BCAR3: variants seen among roughly 807,000 people sequenced by gnomAD.
The protein encoded by BCAR3 is breast cancer anti-estrogen resistance protein 3.
A neutral mutation model predicts 80.1 loss-of-function variants in BCAR3; 37 were observed. The ratio of observed to expected loss-of-function variants is 0.46; its 90% CI spans 0.36 to 0.61. The LOEUF is 0.61. BCAR3 is among the 20% of genes least tolerant of loss of function. The probability of loss-of-function intolerance (pLI) is 0.00; values close to 1 mark genes in which losing one functional copy is unlikely to be tolerated. For missense variants in BCAR3, 978 were observed against 1,068.2 expected, an observed-to-expected ratio of 0.92 and a Z score of 1.18; for synonymous variants, 389 against 418.9, an observed-to-expected ratio of 0.93 and a Z score of 0.87.
intron 2 of BCAR3, among the ~76,000 whole-genome samples, chr1:93,740,163 C>T (rs558485186): frequency 3.9e-4 from 60 of 152,342 alleles, no homozygotes; most frequent in African/African-American, 1.2e-3. Context: ...AAGTCAACTC[C>T]GGCAGGTATC....
chr1:93,572,186 T>A (rs1673245986), intron 8 of BCAR3, among the ~76,000 whole-genome samples: 7 of 151,942 alleles, frequency 4.6e-5, no homozygotes, highest in Admixed American at 4.6e-4. Flanking sequence ...CCATGAGAGG[T>A]CCATGGAGAC....
chr1:93,656,242 T>C (rs1647371277), intron 2 of BCAR3, among the ~76,000 whole-genome samples: 1 of 152,180 alleles, frequency 6.6e-6, no homozygotes. Flanking sequence ...AATTTGACCA[T>C]TGCTTTTTCC....
rs182923047 is a variant in BCAR3 at position 93,820,676 on chromosome 1, C to T, written c.-63+24891G>A. Among the ~76,000 whole-genome samples the T allele has an allele frequency of 1.2e-3, 183 of 152,254 alleles. 2 individuals are homozygous for T. The highest frequency in any genetic ancestry group is 4.3e-3 in the African/African-American group (180 of 41,566). The stretch of plus-strand genomic sequence containing the variant: ...ACCAACCTGGAAGCTCTCTGAATAA[C>T]GTTGTTTAGGGTTTTTGTGGAGGTT... On this transcript the variant is annotated intron_variant, in intron 2 of 13. Transcript: ENST00000370244.
intron 2 of BCAR3, among the ~76,000 whole-genome samples, chr1:93,660,307 C>T (rs111612649): frequency 7.9e-4 from 120 of 152,318 alleles, no homozygotes; most frequent in African/African-American, 2.6e-3. Flanking sequence ...GCCAGAGCAG[C>T]GCCTGGCTCC....
chr1:93,834,502 T>C (rs1369167105), intron 2 of BCAR3, among the ~76,000 whole-genome samples: 5 of 152,146 alleles, frequency 3.3e-5, no homozygotes, highest in South Asian at 2.1e-4. Context: ...CCCAACCTTT[T>C]TCATTACACA....
chr1:93,757,262 C>T (rs1471588878), intron 2 of BCAR3, among the ~76,000 whole-genome samples: 1 of 152,170 alleles, frequency 6.6e-6, no homozygotes, highest in Non-Finnish European at 1.5e-5. Context: ...AGAAGTTGGG[C>T]CAGGCCTACC....
chr1:93,579,958 G>C (rs548480150), intron 7 of BCAR3, among the ~76,000 whole-genome samples: 2 of 152,336 alleles, frequency 1.3e-5, no homozygotes, highest in South Asian at 2.1e-4. Context: ...CGCAAATTGC[G>C]TGACTACCTG....
intron 3 of BCAR3, among the ~76,000 whole-genome samples, chr1:93,605,144 C>T (rs1290882132): frequency 6.6e-6 from 1 of 152,162 alleles, no homozygotes. Context: ...TGGAGCAGCC[C>T]ACAGAGGACC....
chr1:93,713,220 G>GGTCT (rs1410761010), intron 2 of BCAR3, among the ~76,000 whole-genome samples: 1 of 152,130 alleles, frequency 6.6e-6, no homozygotes, highest in African/African-American at 2.4e-5. Flanking sequence ...CACACTCTAG[G>GGTCT]GTCTTATCTT....
chr1:93,702,381 C>A (rs1362518001), intron 3 of BCAR3, among the ~76,000 whole-genome samples: 1 of 152,250 alleles, frequency 6.6e-6, no homozygotes, highest in African/African-American at 2.4e-5. Context: ...CTCAGCCCAA[C>A]TGTCTCCTGA....
At chr1:93,779,388 C>G (rs1028865671) in intron 2 of BCAR3, among the ~76,000 whole-genome samples, 2 of 152,158 alleles carry the variant, frequency 1.3e-5, no homozygotes, top group Non-Finnish European at 2.9e-5. Flanking sequence ...AACTCCTAAC[C>G]TCATGTGGCT....
chr1:93,612,769 G>C (rs1674994846), intron 3 of BCAR3, among the ~76,000 whole-genome samples: 1 of 152,126 alleles, frequency 6.6e-6, no homozygotes, highest in African/African-American at 2.4e-5. Context: ...ACAGAAAGGG[G>C]CTCAAGTCAG....
chr1:93,748,528 C>T (rs1184478897), intron 2 of BCAR3, among the ~76,000 whole-genome samples: 3 of 152,042 alleles, frequency 2.0e-5, no homozygotes, highest in Non-Finnish European at 2.9e-5. Flanking sequence ...GGACTTCGAT[C>T]GGCCATATTC....
At chr1:93,588,454 A>G (rs1557847551) in intron 5 of BCAR3, among the ~76,000 whole-genome samples, 1 of 152,030 alleles carries the variant, frequency 6.6e-6, no homozygotes. Flanking sequence ...TTCTTAGGAC[A>G]CCGTGTTCGC....
intron 2 of BCAR3, among the ~76,000 whole-genome samples, chr1:93,816,889 A>G (rs1367127096): frequency 6.6e-6 from 1 of 152,140 alleles, no homozygotes; most frequent in Non-Finnish European, 1.5e-5. Context: ...CTATACTTAC[A>G]AAAACAGGTG....
chr1:93,644,590 G>A (rs748431895), intron 2 of BCAR3, among the ~76,000 whole-genome samples: 14 of 152,186 alleles, frequency 9.2e-5, no homozygotes, highest in Non-Finnish European at 1.8e-4. Flanking sequence ...GACCTCCTGA[G>A]GGCTGTGTCA....
intron 2 of BCAR3, among the ~76,000 whole-genome samples, chr1:93,798,616 C>T (rs182870900): frequency 3.7e-4 from 56 of 152,216 alleles, no homozygotes; most frequent in Admixed American, 1.4e-3. Context: ...GATTTTTGGC[C>T]AGTTAGACAA....
chr1:93,598,190 A>C (rs1674498887), intron 3 of BCAR3, among the ~76,000 whole-genome samples: 1 of 152,192 alleles, frequency 6.6e-6, no homozygotes, highest in Non-Finnish European at 1.5e-5. Context: ...CAGAGCCTGC[A>C]TTTCAAATCA....
At chr1:93,623,439 G>A (rs957656726) in intron 3 of BCAR3, among the ~76,000 whole-genome samples, 2 of 152,148 alleles carry the variant, frequency 1.3e-5, no homozygotes, top group Non-Finnish European at 2.9e-5. Flanking sequence ...GCAGGTGAAT[G>A]ACATGAGACC....
Sources: allele counts gnomAD v4.1 joint callset (sites outside exome capture counted in the v4.1 genomes callset), GRCh38; gene constraint gnomAD v4.1.1; transcripts MANE v1.5; gene names NCBI Gene and HGNC (gene_info 2026-07-23, HGNC 2026-07-21).